Variants in BACH1 observed in about 807,000 individuals in gnomAD.
BACH1 encodes the protein BTB domain and CNC homolog 1, also known as transcription regulator protein BACH1.
BACH1 carries 35 observed loss-of-function variants against 52.9 expected under a neutral mutation model. That is an observed-to-expected ratio of 0.66 (90% CI 0.51 to 0.88). The LOEUF (loss-of-function observed/expected upper bound fraction) is 0.88, where lower values mean the gene tolerates loss of function less well. Ranked by LOEUF, BACH1 falls within the 40% of genes least tolerant of loss-of-function variation. The pLI is 0.00. For synonymous variants in BACH1, 321 were observed against 319.6 expected, an observed-to-expected ratio of 1.00 and a Z score of -0.05; for missense variants, 808 against 872.6, an observed-to-expected ratio of 0.93 and a Z score of 0.93.
chr21:29,333,147 G>A (rs2089004818), intron 4 of BACH1, among the ~76,000 whole-genome samples: 1 of 152,194 alleles, frequency 6.6e-6, no homozygotes, highest in African/African-American at 2.4e-5. Context: ...AAAATATGCT[G>A]CTTATTAGCT....
intron 2 of BACH1, among the ~76,000 whole-genome samples, chr21:29,324,277 A>G (rs1337194432): frequency 2.7e-5 from 4 of 150,202 alleles, no homozygotes; most frequent in Non-Finnish European, 5.9e-5. Flanking sequence ...CAACACAAAG[A>G]TCCCTTGTGT....
intron 1 of BACH1, chr21:29,299,414 G>C (rs934957250): frequency 6.5e-6 from 1 of 152,810 alleles, no homozygotes; most frequent in African/African-American, 2.4e-5. Flanking sequence ...GCCCAGCCTC[G>C]CGTCTACTCA....
In BACH1 at chr21:29,321,316, A is replaced by G. The variant is rs766887188; in HGVS notation, c.36A>G (p.Glu12=). 1.9e-6 allele frequency: 3 copies of G among 1,614,070 alleles called. No homozygotes were observed. The highest frequency in any genetic ancestry group is 1.7e-5 in the Admixed American group (1 of 60,018). Residue 12 remains glutamate (E), a synonymous_variant, in exon 2 of 5, where the codon GAA becomes GAG. Coordinates refer to ENST00000286800, the MANE Select transcript of BACH1 (RefSeq NM_001186.4). ...GTGAGAACTCGGTTTTTGCCTATGAATCTTCTGTGCATAGCACCAATGTTT... is the reference window on the plus strand; with the variant it reads ...GTGAGAACTCGGTTTTTGCCTATGAGTCTTCTGTGCATAGCACCAATGTTT... ...SLSENSVFAY[E]SSVHSTNVLL...
downstream of BACH1, among the ~76,000 whole-genome samples, chr21:29,349,747 G>A (rs749130011): frequency 2.9e-4 from 44 of 152,256 alleles, no homozygotes; most frequent in Middle Eastern, 6.8e-3. Context: ...ACCAGGTACC[G>A]TGTTCTAAGA....
chr21:29,315,570 G>A (rs534224270), intron 1 of BACH1, among the ~76,000 whole-genome samples: 2 of 152,274 alleles, frequency 1.3e-5, no homozygotes, highest in Non-Finnish European at 1.5e-5. Context: ...AAAAAGGCTG[G>A]CACTTGCCCA....
intron 4 of BACH1, among the ~76,000 whole-genome samples, chr21:29,339,452 A>G (rs1294983183): frequency 1.3e-5 from 2 of 152,156 alleles, no homozygotes; most frequent in African/African-American, 4.8e-5. Context: ...AGGAACTATT[A>G]GTGACCATTT....
At chr21:29,356,197 C>T (rs748556860) in intron 2 of BACH1, among the ~76,000 whole-genome samples, 2 of 152,142 alleles carry the variant, frequency 1.3e-5, no homozygotes, top group South Asian at 2.1e-4. Flanking sequence ...TCTGCACTGA[C>T]GGACTTGAGC....
At chr21:29,310,702 A>G (rs964678195) in intron 1 of BACH1, among the ~76,000 whole-genome samples, 3 of 152,260 alleles carry the variant, frequency 2.0e-5, no homozygotes, top group Non-Finnish European at 1.5e-5. Context: ...AGGAATGATC[A>G]ACTTGTTAAC....
Position 29,361,757 on chromosome 21 carries a change from G to A in BACH1, c.472+32064G>A, listed in dbSNP as rs552588976. 5 of 152,250 alleles carry A rather than the reference G, an allele frequency of 3.3e-5. No homozygotes were observed. The South Asian group carries it at 6.2e-4, about 19-fold the overall frequency. The allele number at this position is 152,250 out of a possible 1,614,324, so 9.4% of individuals were successfully genotyped here. On this transcript the variant is annotated intron_variant, in intron 2 of 4. Coordinates refer to the BACH1 transcript ENST00000422809. ...CAGTGTATTTCATAAAAGCAAAAAC[G>A]CATCTCCATTTACATAACTTTACTA...
At chr21:29,306,957 T>C (rs542151763) in intron 1 of BACH1, among the ~76,000 whole-genome samples, 39 of 152,278 alleles carry the variant, frequency 2.6e-4, no homozygotes, top group Non-Finnish European at 4.6e-4. Flanking sequence ...TTCCCTGCCA[T>C]TGTCTTATTC....
At position 29,345,502 on chromosome 21, in the gene BACH1, T is replaced by C. The variant is rs75903526; in HGVS notation, c.*2669T>C. 2 of 152,184 alleles carry C rather than the reference T, an allele frequency of 1.3e-5. No homozygotes were observed. Among genetic ancestry groups the C allele is most frequent in the African/African-American group, 4.8e-5 (2 of 41,446 alleles). The allele number at this position is 152,184 out of a possible 1,614,324, so 9.4% of individuals were successfully genotyped here. On this transcript the variant is annotated 3_prime_UTR_variant, in exon 5 of 5. Coordinates refer to ENST00000286800, the MANE Select transcript of BACH1 (RefSeq NM_001186.4). ...AATTCAGTAAAATAACATTACCTTA[T>C]TTTTTTTCTTATTCAAATTCTGGAA... is the stretch of plus-strand genomic sequence containing the variant.
chr21:29,324,363 A>T (rs2088884552), intron 2 of BACH1, among the ~76,000 whole-genome samples: 1 of 151,974 alleles, frequency 6.6e-6, no homozygotes, highest in African/African-American at 2.4e-5. Flanking sequence ...TCCGTGCCTA[A>T]TCCATGGCAA....
chr21:29,340,998 A>G (rs187867756), intron 4 of BACH1, among the ~76,000 whole-genome samples: 53 of 151,906 alleles, frequency 3.5e-4, no homozygotes, highest in South Asian at 1.7e-3. Context: ...GAACTTGTAT[A>G]TAAAAATCTG....
intron 1 of BACH1, among the ~76,000 whole-genome samples, chr21:29,313,988 A>C (rs2088758543): frequency 1.3e-5 from 2 of 152,200 alleles, no homozygotes; most frequent in South Asian, 4.1e-4. Context: ...CATACCTCAA[A>C]GTTGCTTAAC....
At chr21:29,316,158 C>G (rs1030263527) in intron 1 of BACH1, among the ~76,000 whole-genome samples, 2 of 152,130 alleles carry the variant, frequency 1.3e-5, no homozygotes, top group African/African-American at 4.8e-5. Flanking sequence ...AGACCTGGTT[C>G]CATGATCACA....
intron 1 of BACH1, among the ~76,000 whole-genome samples, chr21:29,311,541 A>T (rs920564646): frequency 1.3e-5 from 2 of 152,096 alleles, no homozygotes; most frequent in African/African-American, 4.8e-5. Context: ...TTTTTGGTGG[A>T]TACCTCTGTC....
chr21:29,305,337 C>T (rs373201888), intron 1 of BACH1: 4 of 152,210 alleles, frequency 2.6e-5, no homozygotes, highest in African/African-American at 9.7e-5. Context: ...TTACGATTAA[C>T]TTTCCCTACT....
chr21:29,358,794 GA>G (rs2013757307), intron 2 of BACH1, among the ~76,000 whole-genome samples: 1 of 130,500 alleles, frequency 7.7e-6, no homozygotes, highest in Non-Finnish European at 1.8e-5. Flanking sequence ...AAGAAAGAAA[GA>G]AAGAAAGAAA....
intron 2 of BACH1, among the ~76,000 whole-genome samples, chr21:29,322,084 A>G (rs1169691103): frequency 6.6e-6 from 1 of 152,328 alleles, no homozygotes; most frequent in East Asian, 1.9e-4. Context: ...TTATAAAACC[A>G]TCACATCTCG....
Sources: gnomAD v4.1 joint callset for allele counts (sites outside exome capture counted in the v4.1 genomes callset) on GRCh38, gnomAD v4.1.1 for gene constraint, MANE v1.5 for transcripts, NCBI Gene and HGNC (gene_info 2026-07-23, HGNC 2026-07-21) for gene names.